The following ESPN variants were observed in gnomAD, a reference collection of about 807,000 sequenced individuals.
ESPN encodes autosomal recessive deafness type 36 protein.
A neutral mutation model predicts 77.7 loss-of-function variants in ESPN; 68 were observed. The ratio of observed to expected loss-of-function variants is 0.87; its 90% CI spans 0.72 to 1.07. The LOEUF (loss-of-function observed/expected upper bound fraction) is 1.07. ESPN is among the 50% of genes least tolerant of loss of function. The probability of loss-of-function intolerance (pLI) is 0.00; values close to 1 mark genes in which losing one functional copy is unlikely to be tolerated. For synonymous variants in ESPN, 449 were observed against 567.1 expected, an observed-to-expected ratio of 0.79 and a Z score of 2.96; for missense variants, 1,060 against 1,239.0, an observed-to-expected ratio of 0.86 and a Z score of 2.17.
chr1:6,433,841 TGAGCCTTGCTGAAATTGTCAACCGC>T (rs1205233933), intron 2 of ESPN, among the ~76,000 whole-genome samples: 1 of 152,142 alleles, frequency 6.6e-6, no homozygotes, highest in Admixed American at 6.5e-5. Context: ...AGGCCAACCC[TGAGCCTTGCTGAAATTGTCAACCGC>T]ACCCATGATG....
Position 6,460,173 on chromosome 1 carries a change from C to T in ESPN, c.*27C>T, listed in dbSNP as rs1367888293. On this transcript the variant is annotated 3_prime_UTR_variant, in exon 13 of 13. Transcript: ENST00000645284. ...GGCCGCAGACTCCTGTCCGCAGCCT[C>T]GCAGCTCCGTGGGGCCCTCCGCCCC... The T allele has an allele frequency of 4.4e-6, 7 of 1,604,108 alleles. No homozygotes were observed. The highest frequency in any genetic ancestry group is 3.3e-5 in the Admixed American group (2 of 59,834).
rs779333173 is a variant in ESPN at position 6,450,568 on chromosome 1, AGGGCAG to A, written c.1916-1024_1916-1019del. ...GCAGAAGGGGCCCAGACTTGAGGAAAGGGCAGGGGCAGGGGCTGGCAGGCGAGAGAA... is the reference window on the plus strand; with the variant it reads ...GCAGAAGGGGCCCAGACTTGAGGAAAGGGCAGGGGCTGGCAGGCGAGAGAA... On this transcript the variant is annotated intron_variant, in intron 8 of 12. Transcript: ENST00000645284. This position sits in a 1 kb window ranked among gnomAD's most constrained non-coding sequence, Gnocchi z 4.3. The A allele has an allele frequency of 6.8e-6, 4 of 591,152 alleles. No homozygotes were observed. The highest frequency in any genetic ancestry group is 8.5e-6 in the Non-Finnish European group (4 of 469,442). 36.6% of individuals were successfully genotyped at this position (591,152 alleles called of 1,614,324 possible). A position where few individuals can be genotyped will look rare whatever the true frequency, so the allele number is the denominator to read the frequency against.
In ESPN at chr1:6,451,657, C is replaced by G. The variant is rs1279539043; in HGVS notation, c.1970C>G (p.Ala657Gly). The change falls in exon 9 of 13, where the codon GCT (alanine) becomes GGT (glycine). Residue 657 changes from alanine (A) to glycine (G), a missense_variant. By Grantham distance (60) the Ala-to-Gly change is moderately conservative. Transcript: ENST00000645284. This position sits in a 1 kb window ranked among gnomAD's most constrained non-coding sequence, Gnocchi z 4.3. ...SPTGDNSELL[A>G]EIKAGKSLKP... ...ACGGGCGACAACTCGGAGCTACTGG[C>G]TGAGATTAAGGCAGGCAAGAGCCTG... 6.2e-7 allele frequency: 1 copy of G among 1,613,312 alleles called. No individual in the cohort carries two copies. The highest frequency in any genetic ancestry group is 8.5e-7 in the Non-Finnish European group (1 of 1,179,964).
intron 2 of ESPN, 123 bp from the exon 3 acceptor site, chr1:6,440,131 A>C: frequency 9.6e-7 from 1 of 1,046,514 alleles, no homozygotes; most frequent in African/African-American, 1.6e-5. Flanking sequence ...GGCCGGTGAC[A>C]GGGCCCTTTC....
chr1:6,443,658 C>T (rs888693960), intron 5 of ESPN, among the ~76,000 whole-genome samples: 1 of 152,242 alleles, frequency 6.6e-6, no homozygotes, highest in Admixed American at 6.5e-5. Flanking sequence ...AAGGCAAACA[C>T]TCCCACAGAG....
intron 4 of ESPN, 28 bp downstream of exon 4, chr1:6,440,836 G>A: frequency 1.4e-6 from 2 of 1,452,078 alleles, no homozygotes; most frequent in East Asian, 2.8e-5. Flanking sequence ...GTGGGGGCGC[G>A]CGCCCTCTGC....
At chr1:6,438,270 C>T (rs1643505186) in intron 2 of ESPN, among the ~76,000 whole-genome samples, 1 of 152,212 alleles carries the variant, frequency 6.6e-6, no homozygotes, top group Non-Finnish European at 1.5e-5. Flanking sequence ...ATAGACCCTC[C>T]TGGTGGCTGG....
chr1:6,446,912 C>T (rs1257821537), intron 7 of ESPN: 1 of 152,298 alleles, frequency 6.6e-6, no homozygotes, highest in Non-Finnish European at 1.5e-5. Flanking sequence ...GACACCGAAC[C>T]TGCAGGCCAG....
Position 6,444,565 on chromosome 1 carries a change from A to G in ESPN, c.1075A>G (p.Thr359Ala). 6.2e-7 allele frequency: 1 copy of G among 1,614,054 alleles called. No homozygotes were observed. Among genetic ancestry groups the G allele is most frequent in the Non-Finnish European group, 8.5e-7 (1 of 1,179,996 alleles). Residue 359 changes from threonine (T) to alanine (A), a missense_variant, in exon 6 of 13, where the codon ACC becomes GCC. Thr to Ala is a moderately conservative substitution (Grantham distance 58, BLOSUM62 0). Transcript: ENST00000645284. ...GGATTCAGGCATGTCCTCACCCAAT[A>G]CCACGGTGTCGGTCCAGCCGCTGAA... is the stretch of plus-strand genomic sequence containing the variant. Reference protein sequence around the residue: ...QPDSGMSSPNTTVSVQPLNFD... With the variant: ...QPDSGMSSPNATVSVQPLNFD...
chr1:6,428,414 C>T lies in ESPN; in HGVS notation c.483C>T (p.Tyr161=), dbSNP rs1411998508. 6.2e-7 allele frequency: 1 copy of T among 1,609,804 alleles called. No individual in the cohort carries two copies. Among genetic ancestry groups the T allele is most frequent in the Non-Finnish European group, 8.5e-7 (1 of 1,177,446 alleles). Residue 161 remains tyrosine, a synonymous_variant, in exon 2 of 13, where the codon TAC becomes TAT. Transcript: ENST00000645284. This position sits in a 1 kb window ranked among gnomAD's most constrained non-coding sequence, Gnocchi z 5.4. ...CCCTGAGGCTTCTCGTCGAGCACTA[C>T]CCTGAGTAAGATCACCCCTCTTAAG... ...FPSLRLLVEH[Y]PEGVNAQTKN... is the part of the protein sequence containing the mutation.
rs944297339 is a variant in ESPN, at chr1:6,427,633, A to G, written c.295-593A>G. 1.3e-5 allele frequency among the ~76,000 whole-genome samples: 2 copies of G among 152,084 alleles called. No homozygotes were observed. The highest frequency in any genetic ancestry group is 2.9e-5 in the Non-Finnish European group (2 of 68,004). ...CTGCTCCTGTGGCTGGGCACTGGCG[A>G]GTCTGCTGGGGGAGGGGCCGGTTTT... On this transcript the variant is annotated intron_variant, in intron 1 of 12. Transcript: ENST00000645284. This position sits in a 1 kb window ranked among gnomAD's most constrained non-coding sequence, Gnocchi z 4.6.
In ESPN at chr1:6,451,575, C is replaced by A; in HGVS notation, c.1916-28C>A. On this transcript the variant is annotated intron_variant, in intron 8 of 12. Coordinates refer to ENST00000645284, the MANE Select transcript of ESPN (RefSeq NM_031475.3). This position sits in a 1 kb window ranked among gnomAD's most constrained non-coding sequence, Gnocchi z 4.3. ...GGCGGGGATGCAGCCCCACCCTGGC[C>A]AGTGCCTCATCTCCTGCCTCCGCAT... is the stretch of plus-strand genomic sequence containing the variant. 1 of 1,608,348 alleles carries A rather than the reference C, an allele frequency of 6.2e-7. No individual in the cohort carries two copies. The highest frequency in any genetic ancestry group is 1.1e-5 in the South Asian group (1 of 90,260).
At position 6,450,757 on chromosome 1, in the gene ESPN, G is replaced by A. The variant is rs201619468; in HGVS notation, c.1916-846G>A. Among the ~76,000 whole-genome samples, 4 of 125,626 alleles carry A rather than the reference G, an allele frequency of 3.2e-5. No individual in the cohort carries two copies. The highest frequency in any genetic ancestry group is 4.9e-4 in the East Asian group (2 of 4,080). 82.4% of individuals were successfully genotyped at this position (125,626 alleles called of 152,430 possible). On this transcript the variant is annotated intron_variant, in intron 8 of 12. Transcript: ENST00000645284. This position sits in a 1 kb window ranked among gnomAD's most constrained non-coding sequence, Gnocchi z 4.3. ...CTCTTCTCCCCCACCACCCCCACCC[G>A]CTGTGACTGCATTCTGGGATCCCCA...
intron 10 of ESPN, among the ~76,000 whole-genome samples, chr1:6,453,975 A>G (rs1369889747): frequency 6.6e-6 from 1 of 152,200 alleles, no homozygotes; most frequent in East Asian, 1.9e-4. Context: ...CATTGAGCAC[A>G]GGGAGCGGGA....
At chr1:6,455,329 C>T (rs1256694122) in intron 10 of ESPN, 1 of 385,700 alleles carries the variant, frequency 2.6e-6, no homozygotes, top group Non-Finnish European at 4.6e-6. Flanking sequence ...TGCCGCGGAC[C>T]AGGCCGCCGC....
At position 6,438,849 on chromosome 1, in the gene ESPN, C is replaced by T. The variant is rs536841188; in HGVS notation, c.489-1405C>T. ...GTTGATGGCCGGGTGCGGTGGCTCA[C>T]ACCTGTAATCCCAGCACTTTGGGAA... On this transcript the variant is annotated intron_variant, in intron 2 of 12. Coordinates refer to ENST00000645284, the MANE Select transcript of ESPN (RefSeq NM_031475.3). 1.2e-4 allele frequency among the ~76,000 whole-genome samples: 18 copies of T among 152,348 alleles called. No individual in the cohort carries two copies. In the South Asian group the frequency reaches 3.5e-3, roughly 30 times the overall value.
chr1:6,440,000 C>T (rs1274886731), intron 2 of ESPN, among the ~76,000 whole-genome samples: 1 of 141,370 alleles, frequency 7.1e-6, no homozygotes, highest in African/African-American at 3.0e-5. Flanking sequence ...CAGAGCTAGA[C>T]TTCTTCTCAA....
chr1:6,429,082 T>G, intron 2 of ESPN, among the ~76,000 whole-genome samples: 1 of 125,558 alleles, frequency 8.0e-6, no homozygotes, highest in Admixed American at 7.8e-5. Context: ...GCAGGGGGCA[T>G]GTGTGAGTCT....
chr1:6,425,597 A>G (rs1044447787), intron 1 of ESPN, among the ~76,000 whole-genome samples: 1 of 152,226 alleles, frequency 6.6e-6, no homozygotes, highest in Non-Finnish European at 1.5e-5. Flanking sequence ...TGGGCAGCAG[A>G]GTCAGACGCC....
Sources: allele counts gnomAD v4.1 joint callset (sites outside exome capture counted in the v4.1 genomes callset), GRCh38; gene constraint gnomAD v4.1.1; non-coding constraint Gnocchi (gnomAD v3.1); transcripts MANE v1.5; gene names NCBI Gene and HGNC (gene_info 2026-07-23, HGNC 2026-07-21).